The following RNF212 variants were observed in gnomAD, a reference collection of about 807,000 sequenced individuals.
RNF212 encodes probable E3 SUMO-protein ligase RNF212.
RNF212 carries 33 observed loss-of-function variants against 34.7 expected under a neutral mutation model. The ratio of observed to expected loss-of-function variants is 0.95; its 90% CI spans 0.72 to 1.27. The LOEUF (loss-of-function observed/expected upper bound fraction) is 1.27. Among genes scored for constraint, RNF212 ranks in the 50% most tolerant of loss-of-function variants. The pLI, the probability that RNF212 is intolerant of heterozygous loss-of-function variation, is 0.00. For missense variants in RNF212, 377 were observed against 362.2 expected, an observed-to-expected ratio of 1.04 and a Z score of -0.33; for synonymous variants, 140 against 136.1, an observed-to-expected ratio of 1.03 and a Z score of -0.20.
chr4:1,070,171 G>A (rs1011013368), downstream of RNF212, among the ~76,000 whole-genome samples: 1 of 151,080 alleles, frequency 6.6e-6, no homozygotes, highest in Non-Finnish European at 1.5e-5. Context: ...CAGCGTGGAC[G>A]CCTGGCCTGA....
chr4:1,056,502 C>CTTCAAA (rs2153030966), exon 5 of RNF212: 5 of 986,082 alleles, frequency 5.1e-6, no homozygotes, highest in Non-Finnish European at 6.0e-6. Flanking sequence ...CAAAACTTCA[C>CTTCAAA]ACTGTTGAGG....
At chr4:1,107,812 T>A (rs1577835852) in intron 2 of RNF212, among the ~76,000 whole-genome samples, 1 of 152,262 alleles carries the variant, frequency 6.6e-6, no homozygotes, top group Admixed American at 6.5e-5. Context: ...CTTTGTATTA[T>A]GTTTGTAATC....
At chr4:1,085,697 A>T in intron 5 of RNF212, 199 bp downstream of exon 5, 1 of 595,184 alleles carries the variant, frequency 1.7e-6, no homozygotes. Context: ...TCTCTTTTTC[A>T]CTTTTTCTTT....
At chr4:1,063,320 G>C (rs902790362) in intron 3 of RNF212, among the ~76,000 whole-genome samples, 2 of 152,182 alleles carry the variant, frequency 1.3e-5, no homozygotes, top group African/African-American at 2.4e-5. Flanking sequence ...TAAAGCTTTA[G>C]TAAGTGAAAG....
Position 1,113,428 on chromosome 4 carries a change from G to A in RNF212, c.37C>T (p.Pro13Ser), listed in dbSNP as rs755375748. The change falls in exon 1 of 10, where the codon CCG (proline) becomes TCG (serine). Residue 13 changes from proline (P) to serine (S), a missense_variant. Pro to Ser is a moderately conservative substitution (Grantham distance 74). Coordinates refer to ENST00000433731, the MANE Select transcript of RNF212 (RefSeq NM_001131034.4). The part of the protein sequence containing the change: ...NWVFCNRCFQ[P>S]PHRTSCFSLT... ...CTGAAGCACGACGTCCTGTGGGGCG[G>A]CTGGAAGCAGCGATTACAGAACACC... 1.2e-6 allele frequency: 2 copies of A among 1,607,802 alleles called. No individual in the cohort carries two copies. The highest frequency in any genetic ancestry group is 1.7e-6 in the Non-Finnish European group (2 of 1,177,924).
chr4:1,095,216 T>A (rs7670185), intron 3 of RNF212, among the ~76,000 whole-genome samples: 3 of 21,446 alleles, frequency 1.4e-4, no homozygotes, highest in African/African-American at 5.5e-4. Context: ...CCAAGCACAC[T>A]CCCCACAGCT....
intron 8 of RNF212, among the ~76,000 whole-genome samples, chr4:1,078,858 G>T (rs1478193188): frequency 6.6e-6 from 1 of 151,680 alleles, no homozygotes; most frequent in Non-Finnish European, 1.5e-5. Context: ...GACCAACATA[G>T]GACCAACACA....
chr4:1,057,375 AC>A (rs1263055490), intron 4 of RNF212, among the ~76,000 whole-genome samples: 2 of 152,162 alleles, frequency 1.3e-5, no homozygotes, highest in African/African-American at 4.8e-5. Flanking sequence ...CTTTGAACAC[AC>A]GAGTTCGGTT....
intron 3 of RNF212, 80 bp from the exon 4 acceptor site, chr4:1,090,918 T>A: frequency 1.1e-6 from 1 of 880,858 alleles, no homozygotes; most frequent in East Asian, 2.4e-5. Context: ...AGGAGGAGGC[T>A]GGAGGGACTC....
intron 5 of RNF212, among the ~76,000 whole-genome samples, chr4:1,084,416 G>T (rs1342799238): frequency 3.9e-5 from 6 of 152,226 alleles, no homozygotes; most frequent in African/African-American, 1.4e-4. Flanking sequence ...AAAAGCCATG[G>T]TCAGCTTGGC....
chr4:1,098,016 G>A (rs1253373200), intron 2 of RNF212, among the ~76,000 whole-genome samples: 3 of 152,176 alleles, frequency 2.0e-5, no homozygotes, highest in African/African-American at 7.2e-5. Context: ...AGTGAGCCGA[G>A]ATCATGCCAC....
At chr4:1,060,117 A>G (rs1225967265) in intron 3 of RNF212, among the ~76,000 whole-genome samples, 7 of 151,086 alleles carry the variant, frequency 4.6e-5, no homozygotes, top group African/African-American at 9.8e-5. Context: ...AAAAAAAGAA[A>G]AAAGAAATTG....
chr4:1,104,293 A>C lies in RNF212; in HGVS notation c.171+4050T>G, dbSNP rs577049436. On this transcript the variant is annotated intron_variant, in intron 2 of 9. Transcript: ENST00000433731. ...ATGTAGGCCAACTGGTGTATCAGAC[A>C]ACCCCCAAATCTCAATGGCTTATTG... Among the ~76,000 whole-genome samples, 4 of 152,342 alleles carry C rather than the reference A, an allele frequency of 2.6e-5. 1 individual carries two copies. Among genetic ancestry groups the C allele is most frequent in the African/African-American group, 9.6e-5 (4 of 41,574 alleles).
At chr4:1,095,162 A>G (rs1245418610) in intron 3 of RNF212, among the ~76,000 whole-genome samples, 2 of 125,270 alleles carry the variant, frequency 1.6e-5, no homozygotes, top group Non-Finnish European at 3.3e-5. Context: ...CACGCCCCCC[A>G]CAGCTCCATG....
At chr4:1,076,424 T>TG (rs1481560361) in intron 8 of RNF212, among the ~76,000 whole-genome samples, 1 of 152,194 alleles carries the variant, frequency 6.6e-6, no homozygotes, top group Non-Finnish European at 1.5e-5. Context: ...GACGAGCCTT[T>TG]GGGGCAGGAA....
At chr4:1,107,454 T>TA (rs1189377690) in intron 2 of RNF212, 3 of 150,820 alleles carry the variant, frequency 2.0e-5, no homozygotes, top group Admixed American at 2.0e-4. Context: ...TCTGGGGACT[T>TA]ACACTTTTTT....
rs1051526391 is a variant in RNF212 at position 1,098,761 on chromosome 4, G to A, written c.172-1922C>T. ...GCAGAAACAGCACCCCCTCAGCCCC[G>A]GCCATGGCAAGTAGCAGGTGACACA... is the stretch of plus-strand genomic sequence containing the variant. On this transcript the variant is annotated intron_variant, in intron 2 of 9. Transcript: ENST00000433731. Among the ~76,000 whole-genome samples the A allele has an allele frequency of 9.9e-5, 15 of 152,124 alleles. No homozygotes were observed. In the East Asian group the frequency reaches 1.5e-3, roughly 16 times the overall value.
At chr4:1,083,787 G>A (rs4690209) in intron 5 of RNF212, among the ~76,000 whole-genome samples, 86,797 of 151,822 alleles carry the variant, frequency 0.57, 26,601 homozygotes, top group Non-Finnish European at 0.68. Context: ...GACGTCGAGG[G>A]TGGGGAGCTG....
intron 2 of RNF212, chr4:1,100,013 GC>G (rs897812863): frequency 1.0e-5 from 4 of 395,174 alleles, no homozygotes; most frequent in African/African-American, 8.3e-5. Flanking sequence ...AGGAATGCCA[GC>G]CCTAATTTAC....
Sources: allele counts gnomAD v4.1 joint callset (sites outside exome capture counted in the v4.1 genomes callset), GRCh38; gene constraint gnomAD v4.1.1; transcripts MANE v1.5; gene names NCBI Gene and HGNC (gene_info 2026-07-23, HGNC 2026-07-21).